The following NOL4L variants were observed in gnomAD, a reference collection of about 807,000 sequenced individuals.
NOL4L encodes the protein nucleolar protein 4-like.
NOL4L carries 7 observed loss-of-function variants against 64.5 expected under a neutral mutation model. That is an observed-to-expected ratio of 0.11 (90% CI 0.06 to 0.20). The LOEUF (loss-of-function observed/expected upper bound fraction) is 0.20, where lower values mean the gene tolerates loss of function less well. Among genes scored for constraint, NOL4L ranks in the 10% least tolerant of loss-of-function variants. The pLI is 1.00. For missense variants in NOL4L, 680 were observed against 967.1 expected (o/e 0.70, Z 3.94); for synonymous variants, 413 against 401.0 (o/e 1.03, Z -0.36).
Position 32,460,261 on chromosome 20 carries a change from T to C in NOL4L, c.842-3866A>G, listed in dbSNP as rs1229761347. 6.6e-6 allele frequency among the ~76,000 whole-genome samples: 1 copy of C among 152,172 alleles called. No homozygotes were observed. The highest frequency in any genetic ancestry group is 1.5e-5 in the Non-Finnish European group (1 of 68,030). On this transcript the variant is annotated intron_variant, in intron 5 of 10. Transcript: ENST00000621426. This position sits in a 1 kb window ranked among gnomAD's most constrained non-coding sequence, Gnocchi z 5.7. ...CCTTTGCCCTAGTTTATAGGCTCTA[T>C]CTGCCATTATCTCATTTTCTCATGC...
At chr20:32,539,685 C>T (rs2018619131) in intron 1 of NOL4L, among the ~76,000 whole-genome samples, 1 of 152,186 alleles carries the variant, frequency 6.6e-6, no homozygotes, top group Admixed American at 6.5e-5. Context: ...TGTCTCTCTT[C>T]TTAACTGGTG....
chr20:32,527,668 C>T lies in NOL4L; in HGVS notation c.477+90G>A, dbSNP rs930984103. The T allele has an allele frequency of 3.5e-6, 5 of 1,435,712 alleles. No homozygotes were observed. The Admixed American group carries it at 9.3e-5, about 27-fold the overall frequency. The allele number at this position is 1,435,712 out of a possible 1,614,324, so 88.9% of individuals were successfully genotyped here. The stretch of plus-strand genomic sequence containing the variant: ...CGTTTCATCACGCCTCAGCTCCCTG[C>T]CCCGCCCCCCAAGCCCAACATGTGC... On this transcript the variant is annotated intron_variant, in intron 2 of 10. Transcript: ENST00000621426.
At chr20:32,562,857 C>T (rs977713041) in intron 1 of NOL4L, among the ~76,000 whole-genome samples, 3 of 144,882 alleles carry the variant, frequency 2.1e-5, no homozygotes, top group Non-Finnish European at 4.5e-5. Context: ...CACGCTGTTG[C>T]TCCAGAAGCT....
intron 1 of NOL4L, among the ~76,000 whole-genome samples, chr20:32,534,835 C>T (rs2018462403): frequency 6.7e-6 from 1 of 150,226 alleles, no homozygotes; most frequent in Non-Finnish European, 1.5e-5. Context: ...TGAGTCATGA[C>T]CGTACCACTA....
Position 32,463,090 on chromosome 20 carries a change from G to A in NOL4L, c.842-6695C>T, listed in dbSNP as rs553092298. ...TACAGTCCTGGGAGTTGCCGCTGAC[G>A]CCCTCCTGGGCTCTGGCACTTTATG... On this transcript the variant is annotated intron_variant, in intron 5 of 10. Transcript: ENST00000621426. This position sits in a 1 kb window ranked among gnomAD's most constrained non-coding sequence, Gnocchi z 5.8. 3.1e-4 allele frequency among the ~76,000 whole-genome samples: 47 copies of A among 151,932 alleles called. No homozygotes were observed. The highest frequency in any genetic ancestry group is 4.7e-4 in the Non-Finnish European group (32 of 67,978).
intron 3 of NOL4L, among the ~76,000 whole-genome samples, chr20:32,515,203 G>A (rs551917016): frequency 6.6e-6 from 1 of 152,268 alleles, no homozygotes; most frequent in East Asian, 1.9e-4. Flanking sequence ...CACTTCCCGT[G>A]CCTGCAGGTA....
chr20:32,452,787 C>T, intron 9 of NOL4L, 97 bp downstream of exon 9: 2 of 1,554,718 alleles, frequency 1.3e-6, no homozygotes, highest in Non-Finnish European at 1.7e-6. Flanking sequence ...CTTCTCCCGA[C>T]TGTACCCATC....
intron 4 of NOL4L, among the ~76,000 whole-genome samples, chr20:32,505,777 A>C (rs2017116269): frequency 6.6e-6 from 1 of 152,082 alleles, no homozygotes; most frequent in South Asian, 2.1e-4. Context: ...AACCTTGAAG[A>C]CATGATGCAC....
At chr20:32,523,456 C>G (rs2018015344) in intron 2 of NOL4L, among the ~76,000 whole-genome samples, 1 of 152,186 alleles carries the variant, frequency 6.6e-6, no homozygotes, top group South Asian at 2.1e-4. Context: ...TTGCCTGGGA[C>G]CAGAAATGGG....
chr20:32,463,491 C>G lies in NOL4L; in HGVS notation c.842-7096G>C, dbSNP rs1332185852. ...TCTCAGCATTTCCACAAAACCAGGC[C>G]CTCCCCACTGTGGCAAAGGGCGACT... is the stretch of plus-strand genomic sequence containing the variant. On this transcript the variant is annotated intron_variant, in intron 5 of 10. Coordinates refer to ENST00000621426, the MANE Select transcript of NOL4L (RefSeq NM_001256798.2). This position sits in a 1 kb window ranked among gnomAD's most constrained non-coding sequence, Gnocchi z 5.8. 6.6e-6 allele frequency among the ~76,000 whole-genome samples: 1 copy of G among 152,208 alleles called. No individual in the cohort carries two copies. The highest frequency in any genetic ancestry group is 6.5e-5 in the Admixed American group (1 of 15,284).
intron 10 of NOL4L, chr20:32,450,242 G>A (rs2012752633): frequency 6.6e-6 from 1 of 152,278 alleles, no homozygotes; most frequent in Non-Finnish European, 1.5e-5. Context: ...GCCCGGCTGA[G>A]GTACCAAACT....
At chr20:32,504,565 AAAAAAG>A (rs1260312759) in intron 4 of NOL4L, among the ~76,000 whole-genome samples, 1 of 151,488 alleles carries the variant, frequency 6.6e-6, no homozygotes, top group East Asian at 1.9e-4. Flanking sequence ...ATCAAAAAAA[AAAAAAG>A]AAAGAAAGAA....
In NOL4L at chr20:32,463,026, C is replaced by CG. The variant is rs1196862756; in HGVS notation, c.842-6632dup. On this transcript the variant is annotated intron_variant, in intron 5 of 10. Transcript: ENST00000621426. This position sits in a 1 kb window ranked among gnomAD's most constrained non-coding sequence, Gnocchi z 5.8. ...CTGGTGTAGGGTCCTGCAGTCTGGG[C>CG]GACCTTGGGCACTGCCACCTCCTGG... is the stretch of plus-strand genomic sequence containing the variant. Among the ~76,000 whole-genome samples, 2 of 151,718 alleles carry CG rather than the reference C, an allele frequency of 1.3e-5. No homozygotes were observed. Among genetic ancestry groups the CG allele is most frequent in the African/African-American group, 4.8e-5 (2 of 41,280 alleles).
At chr20:32,516,173 G>C (rs1209730156) in intron 3 of NOL4L, among the ~76,000 whole-genome samples, 1 of 152,150 alleles carries the variant, frequency 6.6e-6, no homozygotes, top group Non-Finnish European at 1.5e-5. Context: ...GGGCGTCGAA[G>C]GATGTGTGCA....
intron 4 of NOL4L, among the ~76,000 whole-genome samples, chr20:32,503,024 G>A (rs779366171): frequency 5.3e-5 from 8 of 152,318 alleles, no homozygotes; most frequent in Middle Eastern, 6.8e-3. Context: ...CTGGGATTGC[G>A]GTGGAAGGTC....
intron 3 of NOL4L, among the ~76,000 whole-genome samples, chr20:32,518,565 C>A (rs896773890): frequency 6.6e-6 from 1 of 152,222 alleles, no homozygotes; most frequent in South Asian, 2.1e-4. Context: ...GAGAGGGGAG[C>A]GGATGGCGCC....
intron 1 of NOL4L, among the ~76,000 whole-genome samples, chr20:32,550,919 G>T (rs2018792709): frequency 6.6e-6 from 1 of 151,752 alleles, no homozygotes; most frequent in Non-Finnish European, 1.5e-5. Context: ...AGTTAGGCGT[G>T]GTGGTGGGTG....
intron 4 of NOL4L, chr20:32,509,905 G>A (rs1433478793): frequency 1.5e-6 from 2 of 1,304,328 alleles, no homozygotes; most frequent in Admixed American, 2.3e-5. Flanking sequence ...TGATAACAGT[G>A]TTTACGAAGC....
intron 4 of NOL4L, among the ~76,000 whole-genome samples, chr20:32,494,286 ACAACACAC>A (rs1227550519): frequency 2.4e-5 from 3 of 126,284 alleles, no homozygotes; most frequent in East Asian, 2.6e-4. Context: ...AAAAAAACAC[ACAACACAC>A]ACACACACAC....
Sources: allele counts gnomAD v4.1 joint callset (sites outside exome capture counted in the v4.1 genomes callset), GRCh38; gene constraint gnomAD v4.1.1; non-coding constraint Gnocchi (gnomAD v3.1); transcripts MANE v1.5; gene names NCBI Gene and HGNC (gene_info 2026-07-23, HGNC 2026-07-21).